The following ULK4 variants were observed in gnomAD, a reference collection of about 807,000 sequenced individuals.
ULK4 encodes unc-51 like kinase 4, also known as inactive serine/threonine-protein kinase ULK4.
A neutral mutation model predicts 160.6 loss-of-function variants in ULK4; 133 were observed. The ratio of observed to expected loss-of-function variants is 0.83; its 90% CI spans 0.72 to 0.96. ULK4 has a LOEUF of 0.96. Among genes scored for constraint, ULK4 ranks in the 40% least tolerant of loss-of-function variants. ULK4 has a pLI of 0.00. For missense variants in ULK4, 1,580 were observed against 1,499.5 expected, an observed-to-expected ratio of 1.05 and a Z score of -0.89; for synonymous variants, 534 against 539.8, an observed-to-expected ratio of 0.99 and a Z score of 0.15.
intron 20 of ULK4, among the ~76,000 whole-genome samples, chr3:41,792,900 C>A (rs575417934): frequency 3.4e-4 from 52 of 152,318 alleles, no homozygotes; most frequent in South Asian, 6.2e-4. Flanking sequence ...TATGGCCGGG[C>A]GCAGTGGCTC....
intron 35 of ULK4, among the ~76,000 whole-genome samples, chr3:41,268,295 A>G (rs549462179): frequency 6.6e-6 from 1 of 152,262 alleles, no homozygotes; most frequent in African/African-American, 2.4e-5. Context: ...TTGAAAGGTT[A>G]CTAACCACCC....
intron 30 of ULK4, among the ~76,000 whole-genome samples, chr3:41,621,001 AC>A (rs1438696176): frequency 6.6e-6 from 1 of 152,150 alleles, no homozygotes; most frequent in African/African-American, 2.4e-5. Context: ...TCATGAATGA[AC>A]TCTCATTCAC....
At chr3:41,674,999 T>C (rs1395398579) in intron 29 of ULK4, among the ~76,000 whole-genome samples, 1 of 152,146 alleles carries the variant, frequency 6.6e-6, no homozygotes, top group African/African-American at 2.4e-5. Flanking sequence ...CTCAGCACTT[T>C]GGGAGGCCAA....
At chr3:41,325,505 T>C (rs1454395496) in intron 35 of ULK4, among the ~76,000 whole-genome samples, 2 of 152,204 alleles carry the variant, frequency 1.3e-5, no homozygotes, top group African/African-American at 4.8e-5. Flanking sequence ...TTCTAGAATA[T>C]ACGTTATTGT....
At chr3:41,792,284 GGT>G (rs149631008) in intron 20 of ULK4, among the ~76,000 whole-genome samples, 2 of 151,668 alleles carry the variant, frequency 1.3e-5, no homozygotes, top group East Asian at 1.9e-4. Context: ...GAGAGGTAGG[GGT>G]GTGTGTGTGT....
intron 30 of ULK4, among the ~76,000 whole-genome samples, chr3:41,639,469 A>G (rs1429394524): frequency 1.3e-5 from 2 of 152,148 alleles, no homozygotes; most frequent in Non-Finnish European, 2.9e-5. Flanking sequence ...CACACCTGTA[A>G]GTAATCCCAG....
chr3:41,532,733 T>C (rs907682315), intron 32 of ULK4, among the ~76,000 whole-genome samples: 12 of 152,192 alleles, frequency 7.9e-5, no homozygotes, highest in African/African-American at 2.9e-4. Context: ...CCAGAGACTG[T>C]ATGGCCCATA....
intron 35 of ULK4, among the ~76,000 whole-genome samples, chr3:41,353,417 T>A (rs970501225): frequency 1.3e-5 from 2 of 152,068 alleles, no homozygotes; most frequent in Admixed American, 6.6e-5. Flanking sequence ...TGCCTGTAAT[T>A]TCAGCATTTT....
intron 35 of ULK4, among the ~76,000 whole-genome samples, chr3:41,356,119 A>G (rs1274947862): frequency 6.6e-6 from 1 of 152,226 alleles, no homozygotes; most frequent in Middle Eastern, 3.4e-3. Context: ...ATTTGTTTCC[A>G]TATTTGAGGC....
chr3:41,495,274 CA>C (rs2084945490), intron 32 of ULK4, among the ~76,000 whole-genome samples: 1 of 152,044 alleles, frequency 6.6e-6, no homozygotes, highest in Non-Finnish European at 1.5e-5. Flanking sequence ...AATAATGCCG[CA>C]TATCTACAAC....
At chr3:41,327,837 C>T (rs2080366263) in intron 35 of ULK4, among the ~76,000 whole-genome samples, 1 of 152,182 alleles carries the variant, frequency 6.6e-6, no homozygotes, top group South Asian at 2.1e-4. Flanking sequence ...TAAGAGGAAC[C>T]TTTTCAGAAA....
chr3:41,769,548 T>C (rs2039283098), intron 21 of ULK4, among the ~76,000 whole-genome samples: 1 of 152,146 alleles, frequency 6.6e-6, no homozygotes. Flanking sequence ...CATTTAGTTC[T>C]ATAACCCAAA....
At chr3:41,371,622 C>T (rs186361280) in intron 35 of ULK4, among the ~76,000 whole-genome samples, 4 of 152,196 alleles carry the variant, frequency 2.6e-5, no homozygotes, top group South Asian at 2.1e-4. Context: ...AGGACAACCA[C>T]GCAGACACTC....
chr3:41,670,792 A>C (rs1352645975), intron 29 of ULK4, among the ~76,000 whole-genome samples: 1 of 152,052 alleles, frequency 6.6e-6, no homozygotes, highest in East Asian at 1.9e-4. Flanking sequence ...AAATGACTTC[A>C]ATAACACTCA....
rs758599251 is a variant in ULK4, at chr3:41,566,070, G to A, written c.3181C>T (p.Leu1061=). 1 of 1,613,774 alleles carries A rather than the reference G, an allele frequency of 6.2e-7. No individual in the cohort carries two copies. Among genetic ancestry groups the A allele is most frequent in the Non-Finnish European group, 8.5e-7 (1 of 1,179,926 alleles). ...MQSVIALLSN[L]VACKDSNMEL... is the part of the protein sequence containing the mutation. ...ATATTCGAATCTTTGCAGGCAACTA[G>A]ATTGCTGAGTAATGCAATCACACTT... Residue 1061 remains leucine (L), a synonymous_variant, in exon 32 of 37, where the codon CTA becomes TTA. Coordinates refer to ENST00000301831, the MANE Select transcript of ULK4 (RefSeq NM_017886.4).
At chr3:41,408,866 A>G (rs1201385994) in intron 34 of ULK4, among the ~76,000 whole-genome samples, 1 of 152,224 alleles carries the variant, frequency 6.6e-6, no homozygotes, top group Non-Finnish European at 1.5e-5. Context: ...GGAAAATAGT[A>G]TTCTCTACAA....
At chr3:41,867,333 AAAATCTACAGAGTGAG>A (rs1310514297) in intron 17 of ULK4, among the ~76,000 whole-genome samples, 1 of 152,208 alleles carries the variant, frequency 6.6e-6, no homozygotes, top group Non-Finnish European at 1.5e-5. Flanking sequence ...TGCCCCACTC[AAAATCTACAGAGTGAG>A]AAACTTTGGA....
chr3:41,323,461 C>T (rs183892565), intron 35 of ULK4, among the ~76,000 whole-genome samples: 88 of 150,140 alleles, frequency 5.9e-4, no homozygotes, highest in Middle Eastern at 3.4e-3. Context: ...AAAACAGAGG[C>T]ATGGTACTTC....
At chr3:41,813,740 T>A (rs924588004) in intron 19 of ULK4, among the ~76,000 whole-genome samples, 6 of 152,268 alleles carry the variant, frequency 3.9e-5, no homozygotes, top group Non-Finnish European at 7.3e-5. Flanking sequence ...AAGAAATGTA[T>A]GTGCCATCAA....
Sources: gnomAD v4.1 joint callset for allele counts (sites outside exome capture counted in the v4.1 genomes callset) on GRCh38, gnomAD v4.1.1 for gene constraint, MANE v1.5 for transcripts, NCBI Gene and HGNC (gene_info 2026-07-23, HGNC 2026-07-21) for gene names.